TJP2: variants seen among roughly 807,000 people sequenced by gnomAD.
The protein encoded by TJP2 is tight junction protein 2.
TJP2 carries 91 observed loss-of-function variants against 133.1 expected under a neutral mutation model. The ratio of observed to expected loss-of-function variants is 0.68; its 90% confidence interval spans 0.58 to 0.81. The LOEUF is 0.81. TJP2 is among the 40% of genes least tolerant of loss of function. The pLI is 0.00. For synonymous variants in TJP2, 592 were observed against 583.4 expected (o/e 1.01, Z -0.21); for missense variants, 1,541 against 1,565.6 (o/e 0.98, Z 0.26).
chr9:69,233,732 G>A (rs1217898322), intron 11 of TJP2, among the ~76,000 whole-genome samples: 2 of 152,008 alleles, frequency 1.3e-5, no homozygotes, highest in East Asian at 1.9e-4. Context: ...AGCCAAGATC[G>A]CGCCATTGCA....
chr9:69,204,845 A>G, intron 1 of TJP2: 6 of 1,113,350 alleles, frequency 5.4e-6, no homozygotes, highest in Non-Finnish European at 6.6e-6. Flanking sequence ...GTCAACTTAG[A>G]TGCTGAATCA....
rs1828657626 is a variant in TJP2, at chr9:69,219,636, C to T, written c.343-1251C>T. On this transcript the variant is annotated intron_variant, in intron 4 of 22. Transcript: ENST00000377245. Reference sequence around the variant, plus strand: ...ATGGGATCTTGTTGTGTTTCCCAGGCTGATCTTGATCTCCTGGGTTCAAGC... The same window carrying T: ...ATGGGATCTTGTTGTGTTTCCCAGGTTGATCTTGATCTCCTGGGTTCAAGC... Among the ~76,000 whole-genome samples, 3 of 152,138 alleles carry T rather than the reference C, an allele frequency of 2.0e-5. 1 individual carries two copies. In the South Asian group the frequency reaches 6.2e-4, roughly 31 times the overall value.
chr9:69,209,713 C>G (rs1484454779), intron 1 of TJP2, among the ~76,000 whole-genome samples: 1 of 148,890 alleles, frequency 6.7e-6, no homozygotes, highest in Non-Finnish European at 1.5e-5. Flanking sequence ...CAGATCGTGC[C>G]ATTGCACTCC....
Position 69,217,332 on chromosome 9 carries a change from A to G in TJP2, c.239+869A>G, listed in dbSNP as rs151218841. Reference sequence around the variant, plus strand: ...ATGATACATGCCTGATTCCCACAGGATAACTTCTCAGGACGAAGTCTAAAG... The same window carrying G: ...ATGATACATGCCTGATTCCCACAGGGTAACTTCTCAGGACGAAGTCTAAAG... On this transcript the variant is annotated intron_variant, in intron 3 of 22. Coordinates refer to ENST00000377245, the MANE Select transcript of TJP2 (RefSeq NM_004817.4). 4.6e-5 allele frequency among the ~76,000 whole-genome samples: 7 copies of G among 152,350 alleles called. No individual in the cohort carries two copies. The East Asian group carries it at 1.3e-3, about 29-fold the overall frequency.
upstream of TJP2, among the ~76,000 whole-genome samples, chr9:69,172,206 C>T (rs1411694365): frequency 6.6e-6 from 1 of 152,210 alleles, no homozygotes; most frequent in Non-Finnish European, 1.5e-5. Flanking sequence ...TATTGATTTA[C>T]ACTGCCACCA....
At chr9:69,154,473 C>T (rs966452078) in intron 2 of TJP2, among the ~76,000 whole-genome samples, 16 of 152,124 alleles carry the variant, frequency 1.1e-4, no homozygotes, top group African/African-American at 3.9e-4. Context: ...ATTTTTGCAA[C>T]TTTAAGGGGC....
At chr9:69,152,498 T>C (rs1823522194) in intron 2 of TJP2, among the ~76,000 whole-genome samples, 1 of 152,154 alleles carries the variant, frequency 6.6e-6, no homozygotes, top group Non-Finnish European at 1.5e-5. Flanking sequence ...ATGTGTGAAC[T>C]GGAGTTTAGT....
intron 18 of TJP2, 107 bp downstream of exon 18, chr9:69,246,897 C>A: frequency 1.0e-6 from 1 of 982,676 alleles, no homozygotes; most frequent in Non-Finnish European, 1.6e-6. Flanking sequence ...GTGATGCTCA[C>A]ATGTGTGCTA....
chr9:69,210,296 C>T (rs1420184381), intron 1 of TJP2, among the ~76,000 whole-genome samples: 1 of 52,750 alleles, frequency 1.9e-5, no homozygotes, highest in Non-Finnish European at 4.2e-5. Flanking sequence ...CCCCCCCCCC[C>T]CCCAAAAAAA....
At chr9:69,248,581 G>T in intron 19 of TJP2, 1 of 1,189,836 alleles carries the variant, frequency 8.4e-7, no homozygotes, top group Admixed American at 4.3e-5. Context: ...GTTTCTCTCT[G>T]TACTCTTAGA....
chr9:69,248,569 A>G (rs1831098265), intron 19 of TJP2: 6 of 1,208,796 alleles, frequency 5.0e-6, no homozygotes, highest in South Asian at 8.3e-5. Context: ...ACCTTTGATT[A>G]GGTTTCTCTC....
In TJP2 at chr9:69,248,053, C is replaced by T; in HGVS notation, c.2709C>T (p.Tyr903=). The T allele has an allele frequency of 6.2e-7, 1 of 1,613,888 alleles. No individual in the cohort carries two copies. Among genetic ancestry groups the T allele is most frequent in the South Asian group, 1.1e-5 (1 of 91,034 alleles). Residue 903 remains tyrosine (Y), a synonymous_variant, in exon 19 of 23, where the codon TAC becomes TAT. Transcript: ENST00000377245. ...ATGACCCCGAAGACCGCATGTCCTA[C>T]TTAACCGCCATGGGCGCGGACTATC... is the stretch of plus-strand genomic sequence containing the variant. ...MDDDPEDRMS[Y]LTAMGADYLS... is the part of the protein sequence containing the mutation.
intron 2 of TJP2, among the ~76,000 whole-genome samples, chr9:69,216,079 T>G (rs1437621960): frequency 2.6e-5 from 4 of 152,228 alleles, no homozygotes; most frequent in Non-Finnish European, 5.9e-5. Flanking sequence ...CCGGCCAGCT[T>G]CTAGTGATAA....
At chr9:69,214,627 G>C (rs1030555799) in intron 2 of TJP2, among the ~76,000 whole-genome samples, 1 of 152,132 alleles carries the variant, frequency 6.6e-6, no homozygotes, top group Non-Finnish European at 1.5e-5. Flanking sequence ...CCCACACTTT[G>C]GGAGGCAGAG....
At chr9:69,202,718 T>C (rs1210138367) in intron 1 of TJP2, among the ~76,000 whole-genome samples, 1 of 152,058 alleles carries the variant, frequency 6.6e-6, no homozygotes, top group Admixed American at 6.6e-5. Flanking sequence ...CTGAGGAAGA[T>C]GACGGTTTGG....
At chr9:69,167,783 G>T (rs1824436200) in intron 2 of TJP2, among the ~76,000 whole-genome samples, 1 of 151,454 alleles carries the variant, frequency 6.6e-6, no homozygotes, top group Non-Finnish European at 1.5e-5. Flanking sequence ...CACGAGAATT[G>T]CTTGGACCTG....
chr9:69,230,186 C>T lies in TJP2; in HGVS notation c.1625C>T (p.Thr542Ile). 1 of 1,614,154 alleles carries T rather than the reference C, an allele frequency of 6.2e-7. No homozygotes were observed. The highest frequency in any genetic ancestry group is 8.5e-7 in the Non-Finnish European group (1 of 1,180,024). ...TTTGTTGCTGGCATTCAAGAAGGGA[C>T]CTCGGCGGAGCAGGAGGGCCTTCAA... ...GIFVAGIQEG[T>I]SAEQEGLQEG... Residue 542 changes from threonine to isoleucine, a missense_variant, in exon 11 of 23, where the codon ACC becomes ATC. Thr to Ile is a moderately conservative substitution (Grantham distance 89). Transcript: ENST00000377245.
intron 1 of TJP2, among the ~76,000 whole-genome samples, chr9:69,197,578 G>A (rs550431116): frequency 6.6e-6 from 1 of 152,204 alleles, no homozygotes; most frequent in East Asian, 1.9e-4. Context: ...TTCTTACTTG[G>A]GAGTGGTCAG....
intron 5 of TJP2, among the ~76,000 whole-genome samples, chr9:69,223,462 C>G (rs888213033): frequency 1.3e-5 from 2 of 152,156 alleles, no homozygotes; most frequent in African/African-American, 4.8e-5. Context: ...CGCCCGCCAC[C>G]ACACCCGGCT....
Sources: gnomAD v4.1 joint callset for allele counts (sites outside exome capture counted in the v4.1 genomes callset) on GRCh38, gnomAD v4.1.1 for gene constraint, MANE v1.5 for transcripts, NCBI Gene and HGNC (gene_info 2026-07-23, HGNC 2026-07-21) for gene names.